Variants in PABPC4L observed in about 807,000 individuals in gnomAD.
PABPC4L encodes the protein polyadenylate-binding protein 4-like.
For synonymous variants in PABPC4L, 169 were observed against 164.1 expected (o/e 1.03, Z -0.23); for missense variants, 452 against 451.4 (o/e 1.00, Z -0.01).
chr4:134,073,040 C>A, the PABPC4L span, among the ~76,000 whole-genome samples: 2 of 152,244 alleles, frequency 1.3e-5, no homozygotes, highest in African/African-American at 4.8e-5. Context: ...TGGCCCCTCC[C>A]AAATCTCATG....
chr4:134,021,328 G>A, the PABPC4L span, among the ~76,000 whole-genome samples: 2 of 152,016 alleles, frequency 1.3e-5, no homozygotes. Context: ...TGTGTAGAAG[G>A]TGGCACAGAT....
chr4:133,955,562 A>C, the PABPC4L span, among the ~76,000 whole-genome samples: 1 of 152,176 alleles, frequency 6.6e-6, no homozygotes, highest in East Asian at 1.9e-4. Flanking sequence ...CATATAATCC[A>C]TAGGTTTAAA....
the PABPC4L span, among the ~76,000 whole-genome samples, chr4:134,006,177 T>A: frequency 6.6e-6 from 1 of 151,942 alleles, no homozygotes; most frequent in Non-Finnish European, 1.5e-5. Flanking sequence ...CTTTGTTTTT[T>A]CCATGCTGCT....
At chr4:134,053,722 T>C in the PABPC4L span, among the ~76,000 whole-genome samples, 3 of 152,076 alleles carry the variant, frequency 2.0e-5, no homozygotes, top group Non-Finnish European at 2.9e-5. Flanking sequence ...AGGACATTGG[T>C]AAAACTTCAA....
the PABPC4L span, among the ~76,000 whole-genome samples, chr4:134,000,445 T>A: frequency 7.2e-5 from 11 of 152,152 alleles, no homozygotes; most frequent in East Asian, 1.7e-3. Context: ...AAGTGCCTCA[T>A]ATTCCCTGAG....
At chr4:134,181,129 C>G in the PABPC4L span, among the ~76,000 whole-genome samples, 4 of 151,948 alleles carry the variant, frequency 2.6e-5, no homozygotes, top group African/African-American at 9.7e-5. Flanking sequence ...CAATAAAACA[C>G]AAGCAAACCA....
chr4:134,104,530 T>C, the PABPC4L span, among the ~76,000 whole-genome samples: 1 of 151,666 alleles, frequency 6.6e-6, no homozygotes, highest in Non-Finnish European at 1.5e-5. Context: ...AGAAAATACG[T>C]TTCTCCGAAG....
the PABPC4L span, among the ~76,000 whole-genome samples, chr4:134,112,014 AT>A: frequency 6.6e-6 from 1 of 152,026 alleles, no homozygotes; most frequent in Non-Finnish European, 1.5e-5. Flanking sequence ...AATATGAAAT[AT>A]CAAACTATAC....
the PABPC4L span, among the ~76,000 whole-genome samples, chr4:134,011,112 T>C: frequency 3.3e-5 from 5 of 152,136 alleles, no homozygotes; most frequent in Non-Finnish European, 7.4e-5. Context: ...GTATACTTTG[T>C]TCTACTGTAT....
chr4:134,155,767 GA>G, the PABPC4L span, among the ~76,000 whole-genome samples: 1 of 151,852 alleles, frequency 6.6e-6, no homozygotes, highest in South Asian at 2.1e-4. Flanking sequence ...TAAATCAGAA[GA>G]TAAATATTTT....
chr4:134,018,539 G>A, the PABPC4L span, among the ~76,000 whole-genome samples: 713 of 152,184 alleles, frequency 4.7e-3, 4 homozygotes, highest in Middle Eastern at 0.031. Context: ...AGTCTCCCAT[G>A]TCTGTTGTTC....
chr4:134,038,469 T>G, the PABPC4L span, among the ~76,000 whole-genome samples: 435 of 152,272 alleles, frequency 2.9e-3, 4 homozygotes, highest in African/African-American at 9.9e-3. Context: ...TTTTGGTTGG[T>G]AGGCTATTAA....
the PABPC4L span, among the ~76,000 whole-genome samples, chr4:134,012,226 G>C: frequency 6.6e-6 from 1 of 152,092 alleles, no homozygotes; most frequent in Non-Finnish European, 1.5e-5. Context: ...AGGCCTCTGA[G>C]CCCAAGCTAA....
chr4:134,127,556 T>C, the PABPC4L span, among the ~76,000 whole-genome samples: 1 of 151,902 alleles, frequency 6.6e-6, no homozygotes, highest in East Asian at 1.9e-4. Flanking sequence ...GAAGTAACAA[T>C]CACATCAGTA....
the PABPC4L span, among the ~76,000 whole-genome samples, chr4:134,123,980 A>G: frequency 6.6e-6 from 1 of 152,082 alleles, no homozygotes; most frequent in Non-Finnish European, 1.5e-5. Context: ...AGTGTTCAAA[A>G]GTACTTACAA....
chr4:134,104,269 T>A, the PABPC4L span, among the ~76,000 whole-genome samples: 1 of 151,664 alleles, frequency 6.6e-6, no homozygotes, highest in South Asian at 2.1e-4. Context: ...AGAGTGCTGA[T>A]CTTCAAGAAG....
At chr4:134,035,838 T>G in the PABPC4L span, among the ~76,000 whole-genome samples, 1 of 152,072 alleles carries the variant, frequency 6.6e-6, no homozygotes. Flanking sequence ...TTCATTCATC[T>G]GCCTAATTTT....
the PABPC4L span, among the ~76,000 whole-genome samples, chr4:134,015,455 C>A: frequency 1.3e-5 from 2 of 152,232 alleles, no homozygotes; most frequent in East Asian, 3.9e-4. Context: ...CCCTTCATCC[C>A]AGCCTCTCTT....
At chr4:134,091,851 A>AAGGTTTTCATATAT in the PABPC4L span, among the ~76,000 whole-genome samples, 1 of 152,052 alleles carries the variant, frequency 6.6e-6, no homozygotes, top group Admixed American at 6.6e-5. Context: ...CATGGAATAA[A>AAGGTTTTCATATAT]TGCTGGTTGG....
Sources: allele counts gnomAD v4.1 joint callset (sites outside exome capture counted in the v4.1 genomes callset), GRCh38; gene constraint gnomAD v4.1.1; transcripts MANE v1.5; gene names NCBI Gene and HGNC (gene_info 2026-07-23, HGNC 2026-07-21).